EZR: variants seen among roughly 807,000 people sequenced by gnomAD.
EZR encodes the protein ezrin.
In EZR, 40 loss-of-function variants were observed where a neutral mutation model predicts 74.8. The observed-to-expected ratio is 0.53, with a 90% confidence interval of 0.42 to 0.70. The LOEUF is 0.70. Among genes scored for constraint, EZR ranks in the 30% least tolerant of loss-of-function variants. EZR has a pLI of 0.00. For missense variants in EZR, 678 were observed against 755.8 expected, an observed-to-expected ratio of 0.90 and a Z score of 1.21; for synonymous variants, 341 against 283.3, an observed-to-expected ratio of 1.20 and a Z score of -2.05.
At chr6:158,805,726 ACTGT>A (rs1299459896) in intron 2 of EZR, among the ~76,000 whole-genome samples, 1 of 152,240 alleles carries the variant, frequency 6.6e-6, no homozygotes, top group African/African-American at 2.4e-5. Context: ...TTCAATTTAT[ACTGT>A]CAGTATCAAG....
intron 2 of EZR, among the ~76,000 whole-genome samples, chr6:158,817,564 G>A (rs1196589509): frequency 2.0e-5 from 3 of 152,214 alleles, no homozygotes; most frequent in Non-Finnish European, 4.4e-5. Flanking sequence ...ACAGGGCACC[G>A]CTTCATGGGC....
At chr6:158,814,090 C>CCA (rs1777502660) in intron 2 of EZR, among the ~76,000 whole-genome samples, 1 of 152,088 alleles carries the variant, frequency 6.6e-6, no homozygotes, top group Non-Finnish European at 1.5e-5. Flanking sequence ...TGGGGCAGAC[C>CCA]CACAAGGCCA....
At chr6:158,775,195 G>A (rs1209612281) in intron 8 of EZR, among the ~76,000 whole-genome samples, 1 of 152,028 alleles carries the variant, frequency 6.6e-6, no homozygotes, top group Non-Finnish European at 1.5e-5. Context: ...ACCACGCCCA[G>A]ATAATTTTTG....
At chr6:158,767,559 T>TCC in intron 12 of EZR, 47 bp from the exon 13 acceptor site, 1 of 1,531,420 alleles carries the variant, frequency 6.5e-7, no homozygotes, top group Non-Finnish European at 8.8e-7. Flanking sequence ...AGAAGTCCTA[T>TCC]CCTCCTGGCT....
chr6:158,786,968 C>T, intron 4 of EZR, 140 bp downstream of exon 4: 1 of 637,362 alleles, frequency 1.6e-6, no homozygotes, highest in South Asian at 2.0e-5. Context: ...TGGAAACCTG[C>T]AACCTTTTTG....
intron 12 of EZR, among the ~76,000 whole-genome samples, chr6:158,767,772 C>T (rs1790946979): frequency 6.6e-6 from 1 of 152,118 alleles, no homozygotes; most frequent in Non-Finnish European, 1.5e-5. Context: ...TAACTCTAGA[C>T]ATTATATAAT....
At chr6:158,812,045 G>A (rs1006722125) in intron 2 of EZR, among the ~76,000 whole-genome samples, 20 of 106,638 alleles carry the variant, frequency 1.9e-4, no homozygotes, top group Non-Finnish European at 4.7e-4. Context: ...ACTGGGCACT[G>A]CCAAATGAAG....
intron 8 of EZR, among the ~76,000 whole-genome samples, chr6:158,772,327 T>C (rs1458065731): frequency 6.6e-6 from 1 of 152,224 alleles, no homozygotes; most frequent in African/African-American, 2.4e-5. Flanking sequence ...CTTGAGCACA[T>C]CCCTTCACCA....
chr6:158,778,219 T>A (rs547844164), intron 7 of EZR, among the ~76,000 whole-genome samples: 94 of 152,330 alleles, frequency 6.2e-4, no homozygotes, highest in African/African-American at 2.2e-3. Flanking sequence ...TGAGCCAGCG[T>A]GCCGCATCCT....
At chr6:158,808,067 TGTTG>T (rs1211885664) in intron 2 of EZR, among the ~76,000 whole-genome samples, 3 of 152,222 alleles carry the variant, frequency 2.0e-5, no homozygotes, top group Non-Finnish European at 2.9e-5. Context: ...GTGCTCTATT[TGTTG>T]AATGAATGAA....
At chr6:158,778,846 CAT>C (rs1414934370) in intron 7 of EZR, among the ~76,000 whole-genome samples, 3 of 152,196 alleles carry the variant, frequency 2.0e-5, no homozygotes, top group Non-Finnish European at 4.4e-5. Context: ...AACACATATC[CAT>C]GAGTCCATAT....
intron 7 of EZR, among the ~76,000 whole-genome samples, chr6:158,779,343 C>T (rs1165176383): frequency 2.3e-4 from 35 of 152,088 alleles, no homozygotes; most frequent in Admixed American, 2.3e-3. Flanking sequence ...GGAGGTCTGA[C>T]AACTAACTGT....
rs1360396913 is a variant in EZR, at chr6:158,785,591, A to T, written c.193-8T>A. Reference sequence around the variant, plus strand: ...GACCTCCTGGGCAGACACCTGCACGAAACAAGCCACACTCTCCACACAAAT... The same window carrying T: ...GACCTCCTGGGCAGACACCTGCACGTAACAAGCCACACTCTCCACACAAAT... On this transcript the variant is annotated splice_region_variant and splice_polypyrimidine_tract_variant and intron_variant, in intron 4 of 13. Coordinates refer to ENST00000367075, the MANE Select transcript of EZR (RefSeq NM_001111077.2). 1 of 1,612,580 alleles carries T rather than the reference A, an allele frequency of 6.2e-7. No homozygotes were observed. Among genetic ancestry groups the T allele is most frequent in the Non-Finnish European group, 8.5e-7 (1 of 1,178,838 alleles).
At chr6:158,783,270 C>G (rs1489084444) in intron 7 of EZR, among the ~76,000 whole-genome samples, 3 of 150,900 alleles carry the variant, frequency 2.0e-5, no homozygotes, top group Non-Finnish European at 3.0e-5. Context: ...AGCCTCTGCT[C>G]TATTCTGCCT....
In EZR at chr6:158,766,931, C is replaced by T. The variant is rs1790894240; in HGVS notation, c.1744G>A (p.Glu582Lys). 6 of 1,614,038 alleles carry T rather than the reference C, an allele frequency of 3.7e-6. No homozygotes were observed. Among genetic ancestry groups the T allele is most frequent in the Non-Finnish European group, 5.1e-6 (6 of 1,180,016 alleles). The change falls in exon 14 of 14, where the codon GAG becomes AAG. Residue 582 changes from glutamate to lysine, a missense_variant. Transcript: ENST00000367075. The part of the protein sequence containing the change: ...RQGNTKQRID[E>K]FEAL ...CCTGGCTGTTACAGGGCCTCGAACT[C>T]GTCGATGCGCTGCTTGGTGTTGCCC...
In EZR at chr6:158,818,164, AAC is replaced by A; in HGVS notation, c.-73_-72del. On this transcript the variant is annotated splice_region_variant and 5_prime_UTR_variant, in exon 2 of 14. Coordinates refer to ENST00000367075, the MANE Select transcript of EZR (RefSeq NM_001111077.2). ...CCAGCAGCAGCGAAGACGCTGTCCC[AAC>A]CTGGAGTCAGAGCAGAACCCTTAGA... 1 of 1,578,702 alleles carries A rather than the reference AAC, an allele frequency of 6.3e-7. No homozygotes were observed. The highest frequency in any genetic ancestry group is 8.7e-7 in the Non-Finnish European group (1 of 1,152,548).
chr6:158,782,865 A>AAAGG (rs1191650399), intron 7 of EZR, among the ~76,000 whole-genome samples: 1 of 152,152 alleles, frequency 6.6e-6, no homozygotes, highest in Non-Finnish European at 1.5e-5. Flanking sequence ...TGCCCTCATG[A>AAAGG]ACTAGGATGA....
Position 158,812,380 on chromosome 6 carries a change from G to A in EZR, c.12+5702C>T, listed in dbSNP as rs113958754. Reference sequence around the variant, plus strand: ...TCCTATTGAATCAGCAGTACCATCTGGAGAGCTTATTTAAAACATAAGCAC... The same window carrying A: ...TCCTATTGAATCAGCAGTACCATCTAGAGAGCTTATTTAAAACATAAGCAC... On this transcript the variant is annotated intron_variant, in intron 2 of 13. Coordinates refer to ENST00000367075, the MANE Select transcript of EZR (RefSeq NM_001111077.2). Among the ~76,000 whole-genome samples the A allele has an allele frequency of 5.4e-3, 819 of 152,136 alleles. 5 individuals are homozygous for A. Among genetic ancestry groups the A allele is most frequent in the African/African-American group, 0.019 (773 of 41,498 alleles).
Position 158,786,328 on chromosome 6 carries a change from C to T in EZR, c.193-745G>A, listed in dbSNP as rs1047035390. Among the ~76,000 whole-genome samples the T allele has an allele frequency of 4.5e-4, 68 of 150,216 alleles. 1 individual carries two copies. Among genetic ancestry groups the T allele is most frequent in the Non-Finnish European group, 2.2e-4 (15 of 67,574 alleles). ...GGTGGAGGTTGCAGTGAGCCAAGATCGTGCCACTGCACCCCAGCCTGGGCG... is the reference window on the plus strand; with the variant it reads ...GGTGGAGGTTGCAGTGAGCCAAGATTGTGCCACTGCACCCCAGCCTGGGCG... On this transcript the variant is annotated intron_variant, in intron 4 of 13. Transcript: ENST00000367075.
Sources: gnomAD v4.1 joint callset for allele counts (sites outside exome capture counted in the v4.1 genomes callset) on GRCh38, gnomAD v4.1.1 for gene constraint, MANE v1.5 for transcripts, NCBI Gene and HGNC (gene_info 2026-07-23, HGNC 2026-07-21) for gene names.